The following C3orf49 variants were observed in gnomAD, a reference collection of about 807,000 sequenced individuals.
The protein encoded by C3orf49 is putative uncharacterized protein C3orf49.
In C3orf49, 27 loss-of-function variants were observed where a neutral mutation model predicts 13.3. That is an observed-to-expected ratio of 2.02 (90% CI 1.49 to 2.79). The LOEUF (loss-of-function observed/expected upper bound fraction) is 2.79. C3orf49 is among the 30% of genes most tolerant of loss of function. The probability of loss-of-function intolerance (pLI) is 0.00; values close to 1 mark genes in which losing one functional copy is unlikely to be tolerated. For missense variants in C3orf49, 242 were observed against 134.2 expected, an observed-to-expected ratio of 1.80 and a Z score of -3.97; for synonymous variants, 87 against 47.6, an observed-to-expected ratio of 1.83 and a Z score of -3.40.
At position 63,845,095 on chromosome 3, in the gene C3orf49, T is replaced by C; in HGVS notation, c.*30+13T>C. 1 of 694,108 alleles carries C rather than the reference T, an allele frequency of 1.4e-6. No individual in the cohort carries two copies. The highest frequency in any genetic ancestry group is 2.6e-6 in the Non-Finnish European group (1 of 380,760). The allele number at this position is 694,108 out of a possible 1,614,324, so 43.0% of individuals were successfully genotyped here. Reference sequence around the variant, plus strand: ...AACACAGGAAAAGGTGATGCTAACCTTCTTTTCTGGGGGTGGGGGGTACTA... The same window carrying C: ...AACACAGGAAAAGGTGATGCTAACCCTCTTTTCTGGGGGTGGGGGGTACTA... On this transcript the variant is annotated intron_variant, in intron 6 of 6. Coordinates refer to ENST00000295896, the MANE Select transcript of C3orf49 (RefSeq NM_001355236.2).
Position 63,827,734 on chromosome 3 carries a change from C to G in C3orf49, c.570+9C>G. On this transcript the variant is annotated intron_variant, in intron 3 of 6. Coordinates refer to ENST00000295896, the MANE Select transcript of C3orf49 (RefSeq NM_001355236.2). ...CTTCAGGACTGCAAAAGGTAAAACG[C>G]TAAATGAATTTGCCTCTGAAGACTT... 1 of 701,326 alleles carries G rather than the reference C, an allele frequency of 1.4e-6. No individual in the cohort carries two copies. Among genetic ancestry groups the G allele is most frequent in the Non-Finnish European group, 2.6e-6 (1 of 384,552 alleles). The allele number at this position is 701,326 out of a possible 1,614,324, so 43.4% of individuals were successfully genotyped here. A position where few individuals can be genotyped will look rare whatever the true frequency, so the allele number is the denominator to read the frequency against.
At chr3:63,789,254 A>G in the C3orf49 span, among the ~76,000 whole-genome samples, 1 of 152,152 alleles carries the variant, frequency 6.6e-6, no homozygotes, top group Non-Finnish European at 1.5e-5. Flanking sequence ...TGATGATATG[A>G]GGTGGAACAG....
chr3:63,820,301 A>T (rs535551809), intron 1 of C3orf49, among the ~76,000 whole-genome samples: 1 of 152,228 alleles, frequency 6.6e-6, no homozygotes, highest in South Asian at 2.1e-4. Flanking sequence ...AAAATACTGC[A>T]GAGATTTCCA....
upstream of C3orf49, among the ~76,000 whole-genome samples, chr3:63,816,202 C>T (rs747299514): frequency 6.6e-6 from 1 of 150,546 alleles, no homozygotes; most frequent in African/African-American, 2.4e-5. Context: ...TATTGGTTAA[C>T]ATATTGGTGT....
chr3:63,845,939 AT>A (rs1701884254), intron 6 of C3orf49, among the ~76,000 whole-genome samples: 1 of 152,200 alleles, frequency 6.6e-6, no homozygotes, highest in Non-Finnish European at 1.5e-5. Flanking sequence ...AAGACTATTC[AT>A]CTAAGAAGTG....
chr3:63,845,056 G>C lies in C3orf49; in HGVS notation c.*4G>C, dbSNP rs1341566259. 2.9e-6 allele frequency: 2 copies of C among 699,716 alleles called. No individual in the cohort carries two copies. The highest frequency in any genetic ancestry group is 1.8e-5 in the African/African-American group (1 of 57,120). 43.3% of individuals were successfully genotyped at this position (699,716 alleles called of 1,614,324 possible). A position where few individuals can be genotyped will look rare whatever the true frequency, so the allele number is the denominator to read the frequency against. On this transcript the variant is annotated 3_prime_UTR_variant, in exon 6 of 7. Coordinates refer to ENST00000295896, the MANE Select transcript of C3orf49 (RefSeq NM_001355236.2). ...AAAAGGACCTGGAGACAGCTGACCT[G>C]AGACTCCTTGAGGAACACAGGAAAA...
chr3:63,809,697 T>G, the C3orf49 span, among the ~76,000 whole-genome samples: 36 of 152,324 alleles, frequency 2.4e-4, no homozygotes, highest in African/African-American at 8.4e-4. Flanking sequence ...GTCTGTTCTT[T>G]GCACACATCA....
At chr3:63,786,654 T>A in the C3orf49 span, among the ~76,000 whole-genome samples, 1 of 152,254 alleles carries the variant, frequency 6.6e-6, no homozygotes, top group Non-Finnish European at 1.5e-5. Context: ...TTAACCTGTC[T>A]TTGATTTTCA....
intron 6 of C3orf49, among the ~76,000 whole-genome samples, chr3:63,845,463 C>T (rs1408950343): frequency 2.0e-5 from 3 of 152,106 alleles, no homozygotes; most frequent in Admixed American, 1.3e-4. Context: ...AGCATATGAC[C>T]AGAGGGAAAT....
At chr3:63,780,428 A>C in the C3orf49 span, among the ~76,000 whole-genome samples, 15 of 152,162 alleles carry the variant, frequency 9.9e-5, no homozygotes, top group Non-Finnish European at 1.9e-4. Flanking sequence ...TGCTATTGTG[A>C]ATGGTGCCGC....
At chr3:63,843,300 T>G (rs1008684233) in intron 5 of C3orf49, among the ~76,000 whole-genome samples, 15 of 151,786 alleles carry the variant, frequency 9.9e-5, no homozygotes, top group African/African-American at 3.6e-4. Flanking sequence ...GTATTTCCAG[T>G]AGAGATGGGG....
chr3:63,821,783 C>T (rs528933103), intron 1 of C3orf49, among the ~76,000 whole-genome samples: 19 of 151,860 alleles, frequency 1.3e-4, no homozygotes, highest in African/African-American at 3.9e-4. Flanking sequence ...TCGTAGATGC[C>T]GGTTTAAGAA....
chr3:63,834,884 G>A (rs925461440), intron 5 of C3orf49, among the ~76,000 whole-genome samples: 3 of 152,120 alleles, frequency 2.0e-5, no homozygotes, highest in African/African-American at 7.2e-5. Context: ...GTCAACTACA[G>A]TGAACCAAGA....
At chr3:63,839,024 C>A (rs1358972078) in intron 5 of C3orf49, among the ~76,000 whole-genome samples, 1 of 152,146 alleles carries the variant, frequency 6.6e-6, no homozygotes, top group Non-Finnish European at 1.5e-5. Flanking sequence ...AACCCCATCT[C>A]TACTAAAATA....
intron 5 of C3orf49, chr3:63,838,031 A>C: frequency 6.2e-7 from 1 of 1,609,578 alleles, no homozygotes; most frequent in Non-Finnish European, 8.5e-7. Context: ...TGCACTCAGC[A>C]ATTTTTTCAT....
intron 3 of C3orf49, among the ~76,000 whole-genome samples, chr3:63,830,401 A>C (rs1395838231): frequency 6.6e-6 from 1 of 152,230 alleles, no homozygotes; most frequent in Admixed American, 6.5e-5. Flanking sequence ...AGCAGACTCC[A>C]TTTGTAAAGG....
the C3orf49 span, chr3:63,787,204 T>C: frequency 6.6e-6 from 1 of 152,242 alleles, no homozygotes; most frequent in African/African-American, 2.4e-5. Context: ...GGACTTGATT[T>C]CTGCTCTTTC....
At chr3:63,787,534 C>T in the C3orf49 span, among the ~76,000 whole-genome samples, 1 of 152,080 alleles carries the variant, frequency 6.6e-6, no homozygotes, top group Non-Finnish European at 1.5e-5. Context: ...AAATTCAATA[C>T]CCTTTTTTAA....
At chr3:63,829,970 T>A (rs529716656) in intron 3 of C3orf49, among the ~76,000 whole-genome samples, 2 of 152,118 alleles carry the variant, frequency 1.3e-5, no homozygotes, top group South Asian at 2.1e-4. Flanking sequence ...CATCTTAAAA[T>A]ATATATATGT....
Sources: allele counts gnomAD v4.1 joint callset (sites outside exome capture counted in the v4.1 genomes callset), GRCh38; gene constraint gnomAD v4.1.1; transcripts MANE v1.5; gene names NCBI Gene and HGNC (gene_info 2026-07-23, HGNC 2026-07-21).